Variants in CALCRL observed in about 807,000 individuals in gnomAD.
CALCRL encodes the protein calcitonin gene-related peptide type 1 receptor.
A neutral mutation model predicts 60.4 loss-of-function variants in CALCRL; 27 were observed. That is an observed-to-expected ratio of 0.45 (90% confidence interval 0.33 to 0.62). The LOEUF is 0.62. Ranked by LOEUF, CALCRL falls within the 20% of genes least tolerant of loss-of-function variation. The pLI is 0.03. For missense variants in CALCRL, 424 were observed against 540.7 expected, an observed-to-expected ratio of 0.78 and a Z score of 2.14; for synonymous variants, 190 against 182.6, an observed-to-expected ratio of 1.04 and a Z score of -0.33.
At chr2:187,383,726 A>C (rs1460964181) in intron 4 of CALCRL, among the ~76,000 whole-genome samples, 2 of 152,136 alleles carry the variant, frequency 1.3e-5, no homozygotes, top group East Asian at 3.9e-4. Context: ...AAATAGTATA[A>C]AATAGCATCA....
At position 187,357,724 on chromosome 2, in the gene CALCRL, A is replaced by G. The variant is rs546403476; in HGVS notation, c.909+1339T>C. 2.7e-4 allele frequency among the ~76,000 whole-genome samples: 41 copies of G among 151,580 alleles called. 1 individual carries two copies. In the South Asian group the frequency reaches 6.5e-3, roughly 24 times the overall value. On this transcript the variant is annotated intron_variant, in intron 12 of 14. Transcript: ENST00000392370. ...GACGAGTTAGTGGGTGCAGCGCACCAGCATGGCACATGTATACATATGTAA... is the reference window on the plus strand; with the variant it reads ...GACGAGTTAGTGGGTGCAGCGCACCGGCATGGCACATGTATACATATGTAA...
chr2:187,427,718 G>T (rs867384811), intron 1 of CALCRL, among the ~76,000 whole-genome samples: 2 of 152,046 alleles, frequency 1.3e-5, no homozygotes, highest in African/African-American at 2.4e-5. Flanking sequence ...ATCAGGGGAA[G>T]AATTCTCCTC....
chr2:187,382,280 T>A (rs533698202), intron 5 of CALCRL, among the ~76,000 whole-genome samples: 1 of 152,324 alleles, frequency 6.6e-6, no homozygotes, highest in South Asian at 2.1e-4. Context: ...TGCAAGACTT[T>A]CTAGAGTATT....
In CALCRL at chr2:187,346,207, T is replaced by G; in HGVS notation, c.1363A>C (p.Lys455Gln). 1 of 1,607,726 alleles carries G rather than the reference T, an allele frequency of 6.2e-7. No homozygotes were observed. The highest frequency in any genetic ancestry group is 8.5e-7 in the Non-Finnish European group (1 of 1,175,694). ...SIHDIENVLL[K>Q]PENLYN The stretch of plus-strand genomic sequence containing the variant: ...TTTCAATTATATAAATTTTCTGGTT[T>G]TAAGAGAACATTTTCAATATCATGG... The change falls in exon 15 of 15, where the codon AAA (lysine) becomes CAA (glutamine). Residue 455 changes from lysine to glutamine, a missense_variant. Transcript: ENST00000392370.
At chr2:187,379,764 TG>T (rs2105778418) in intron 7 of CALCRL, among the ~76,000 whole-genome samples, 1 of 152,262 alleles carries the variant, frequency 6.6e-6, no homozygotes, top group Admixed American at 6.5e-5. Flanking sequence ...ATAATGAGGA[TG>T]GAATCTATTC....
intron 1 of CALCRL, among the ~76,000 whole-genome samples, chr2:187,394,861 G>A (rs1361874927): frequency 7.9e-5 from 12 of 152,108 alleles, no homozygotes. Flanking sequence ...TTGCATAAAA[G>A]TAGTGGCTGT....
intron 1 of CALCRL, among the ~76,000 whole-genome samples, chr2:187,446,402 A>G (rs1367179008): frequency 6.6e-6 from 1 of 151,676 alleles, no homozygotes; most frequent in Non-Finnish European, 1.5e-5. Flanking sequence ...TTTTTGGAAA[A>G]CAAAGATTAT....
At chr2:187,356,479 T>A (rs938911219) in intron 12 of CALCRL, among the ~76,000 whole-genome samples, 13 of 152,152 alleles carry the variant, frequency 8.5e-5, no homozygotes, top group Admixed American at 8.5e-4. Flanking sequence ...CTGGACCCTT[T>A]CTTTATACCT....
At chr2:187,395,896 T>C (rs1688629659) in intron 1 of CALCRL, among the ~76,000 whole-genome samples, 1 of 151,906 alleles carries the variant, frequency 6.6e-6, no homozygotes, top group Admixed American at 6.6e-5. Context: ...GGTAAAAGGA[T>C]TAAGCCTTGG....
At chr2:187,394,848 A>C (rs1688593688) in intron 1 of CALCRL, among the ~76,000 whole-genome samples, 1 of 152,026 alleles carries the variant, frequency 6.6e-6, no homozygotes, top group Admixed American at 6.6e-5. Flanking sequence ...CTAACCTGAA[A>C]ATTTGCATAA....
intron 12 of CALCRL, among the ~76,000 whole-genome samples, chr2:187,358,830 C>G (rs965371660): frequency 6.6e-6 from 1 of 152,136 alleles, no homozygotes; most frequent in Non-Finnish European, 1.5e-5. Flanking sequence ...GCTGTGATAA[C>G]AGCATTCCAT....
chr2:187,354,171 AAAG>A (rs1305880928), intron 12 of CALCRL, among the ~76,000 whole-genome samples: 2 of 152,036 alleles, frequency 1.3e-5, no homozygotes, highest in African/African-American at 4.8e-5. Flanking sequence ...GTTCAGTAGA[AAAG>A]AAGAAACCTT....
chr2:187,356,372 C>A (rs545799120), intron 12 of CALCRL, among the ~76,000 whole-genome samples: 4 of 152,154 alleles, frequency 2.6e-5, no homozygotes, highest in Non-Finnish European at 5.9e-5. Context: ...ACCATCTGAT[C>A]TTTCACAAAC....
chr2:187,354,716 G>A (rs565255675), intron 12 of CALCRL, among the ~76,000 whole-genome samples: 6 of 152,022 alleles, frequency 3.9e-5, no homozygotes, highest in East Asian at 3.9e-4. Context: ...GTGGATTTTC[G>A]CTTCTTTTCT....
At chr2:187,418,862 T>C (rs928477661) in intron 1 of CALCRL, among the ~76,000 whole-genome samples, 2 of 145,624 alleles carry the variant, frequency 1.4e-5, no homozygotes, top group Non-Finnish European at 3.0e-5. Flanking sequence ...TTTTTTTCTT[T>C]TTTTTTTTTT....
At chr2:187,411,180 C>T (rs940700133) in intron 1 of CALCRL, among the ~76,000 whole-genome samples, 2 of 151,852 alleles carry the variant, frequency 1.3e-5, no homozygotes, top group African/African-American at 2.4e-5. Context: ...ACTGAAAGCA[C>T]ATGGAGAAAA....
At chr2:187,437,794 A>G (rs1284498249) in intron 1 of CALCRL, among the ~76,000 whole-genome samples, 1 of 152,132 alleles carries the variant, frequency 6.6e-6, no homozygotes, top group Non-Finnish European at 1.5e-5. Flanking sequence ...CCATTTGACA[A>G]TTTTTAAAAA....
chr2:187,410,739 C>G (rs1310676673), intron 1 of CALCRL, among the ~76,000 whole-genome samples: 2 of 152,064 alleles, frequency 1.3e-5, no homozygotes, highest in Non-Finnish European at 2.9e-5. Flanking sequence ...TGAAGAAGAG[C>G]TGAAGGTGGG....
intron 7 of CALCRL, among the ~76,000 whole-genome samples, chr2:187,379,259 TA>T (rs1477097678): frequency 1.3e-4 from 20 of 152,262 alleles, no homozygotes; most frequent in Non-Finnish European, 7.4e-5. Flanking sequence ...TATGCCTTTT[TA>T]TTTTTTTAAT....
Sources: allele counts gnomAD v4.1 joint callset (sites outside exome capture counted in the v4.1 genomes callset), GRCh38; gene constraint gnomAD v4.1.1; transcripts MANE v1.5; gene names NCBI Gene and HGNC (gene_info 2026-07-23, HGNC 2026-07-21).